DNAJC16: variants seen among roughly 807,000 people sequenced by gnomAD.
DNAJC16 encodes DnaJ heat shock protein family (Hsp40) member C16.
DNAJC16 carries 76 observed loss-of-function variants against 92.7 expected under a neutral mutation model. The ratio of observed to expected loss-of-function variants is 0.82; its 90% CI spans 0.68 to 0.99. DNAJC16 has a LOEUF of 0.99. DNAJC16 is among the 50% of genes least tolerant of loss of function. The pLI, the probability that DNAJC16 is intolerant of heterozygous loss-of-function variation, is 0.00. For synonymous variants in DNAJC16, 328 were observed against 358.7 expected, an observed-to-expected ratio of 0.91 and a Z score of 0.97; for missense variants, 869 against 942.4, an observed-to-expected ratio of 0.92 and a Z score of 1.02.
Position 15,559,665 on chromosome 1 carries a change from T to A in DNAJC16, c.1154+9T>A. On this transcript the variant is annotated intron_variant, in intron 8 of 14. Transcript: ENST00000375847. Reference sequence around the variant, plus strand: ...TCGCATCGACAGAGGAAGTAAGGACTTAAGGCTTTGCCTCTGCTTGTTATT... The same window carrying A: ...TCGCATCGACAGAGGAAGTAAGGACATAAGGCTTTGCCTCTGCTTGTTATT... 6.2e-7 allele frequency: 1 copy of A among 1,613,106 alleles called. No homozygotes were observed. The highest frequency in any genetic ancestry group is 8.5e-7 in the Non-Finnish European group (1 of 1,179,500).
Position 15,548,454 on chromosome 1 carries a change from A to G in DNAJC16, c.1023+26A>G, listed in dbSNP as rs201777275. ...GTACGTGAGGGTCACCTTGGTTAAG[A>G]TTTTCTTCACATTTTATCCCAAGAT... is the stretch of plus-strand genomic sequence containing the variant. On this transcript the variant is annotated intron_variant, in intron 7 of 14. Transcript: ENST00000375847. 1.1e-5 allele frequency: 18 copies of G among 1,581,926 alleles called. No homozygotes were observed. The African/African-American group carries it at 2.4e-4, about 21-fold the overall frequency.
At chr1:15,567,012 T>C in intron 13 of DNAJC16, 87 bp from the exon 14 acceptor site, 2 of 1,289,612 alleles carry the variant, frequency 1.6e-6, no homozygotes, top group Non-Finnish European at 2.2e-6. Context: ...GGTTAGAACA[T>C]AGCATTTTCT....
chr1:15,556,322 A>G (rs7544382), intron 7 of DNAJC16, among the ~76,000 whole-genome samples: 2 of 151,142 alleles, frequency 1.3e-5, no homozygotes, highest in Non-Finnish European at 2.9e-5. Flanking sequence ...GCAACCTCCA[A>G]CTCCCGGGTT....
intron 4 of DNAJC16, among the ~76,000 whole-genome samples, chr1:15,540,097 G>A (rs1178864934): frequency 6.6e-6 from 1 of 152,048 alleles, no homozygotes; most frequent in Non-Finnish European, 1.5e-5. Context: ...AGGCCAAGGC[G>A]GGTGGATCAC....
At position 15,566,124 on chromosome 1, in the gene DNAJC16, G is replaced by A; in HGVS notation, c.1722G>A (p.Glu574=). Residue 574 remains glutamate (E), a synonymous_variant, in exon 13 of 15, where the codon GAG becomes GAA. Coordinates refer to ENST00000375847, the MANE Select transcript of DNAJC16 (RefSeq NM_015291.4). The part of the protein sequence containing the change: ...DERESSPPEK[E]EAQEKTGKTE... ...GAGAGTCAAGCCCTCCAGAAAAAGA[G>A]GAAGCCCAAGAGAAGACTGGGAAAA... 2 of 1,614,032 alleles carry A rather than the reference G, an allele frequency of 1.2e-6. No homozygotes were observed. Among genetic ancestry groups the A allele is most frequent in the Non-Finnish European group, 1.7e-6 (2 of 1,179,996 alleles).
At chr1:15,528,140 A>G (rs1710563964) in intron 1 of DNAJC16, among the ~76,000 whole-genome samples, 1 of 152,234 alleles carries the variant, frequency 6.6e-6, no homozygotes, top group Non-Finnish European at 1.5e-5. Flanking sequence ...TTCCATTAAT[A>G]ATGACCATAT....
chr1:15,548,216 C>T, intron 6 of DNAJC16, 54 bp from the exon 7 acceptor site: 1 of 1,580,706 alleles, frequency 6.3e-7, no homozygotes, highest in Admixed American at 1.7e-5. Flanking sequence ...CTTGATTTGT[C>T]ATTTACATCT....
At chr1:15,544,354 A>G (rs1320662616) in intron 4 of DNAJC16, 45 bp from the exon 5 acceptor site, 2 of 1,564,788 alleles carry the variant, frequency 1.3e-6, no homozygotes, top group East Asian at 2.3e-5. Flanking sequence ...TCCAGCTGCC[A>G]TGGAGACATA....
chr1:15,565,540 A>C (rs764388888), intron 11 of DNAJC16: 12 of 231,264 alleles, frequency 5.2e-5, no homozygotes, highest in Non-Finnish European at 8.5e-5. Flanking sequence ...TCTGGGCTAC[A>C]TCTGAATTTT....
At chr1:15,543,342 A>G (rs1710978115) in intron 4 of DNAJC16, among the ~76,000 whole-genome samples, 1 of 152,240 alleles carries the variant, frequency 6.6e-6, no homozygotes, top group African/African-American at 2.4e-5. Flanking sequence ...AGCTACGCAG[A>G]AGTCACGGAG....
chr1:15,534,210 C>G, intron 2 of DNAJC16, 27 bp from the exon 3 acceptor site: 1 of 1,613,350 alleles, frequency 6.2e-7, no homozygotes, highest in Non-Finnish European at 8.5e-7. Flanking sequence ...TACATCCTTT[C>G]TCACCGCCTG....
intron 2 of DNAJC16, among the ~76,000 whole-genome samples, chr1:15,533,218 C>T (rs562461421): frequency 6.6e-6 from 1 of 152,174 alleles, no homozygotes; most frequent in African/African-American, 2.4e-5. Flanking sequence ...CCAAAGCTGG[C>T]CGGGTGTGGT....
At chr1:15,534,586 G>A (rs770540728) in intron 3 of DNAJC16, among the ~76,000 whole-genome samples, 7 of 152,216 alleles carry the variant, frequency 4.6e-5, no homozygotes, top group Non-Finnish European at 7.4e-5. Flanking sequence ...TTCGCCGGGC[G>A]TGGTGGCACG....
intron 7 of DNAJC16, among the ~76,000 whole-genome samples, chr1:15,551,108 G>A (rs544299629): frequency 1.3e-5 from 2 of 152,342 alleles, no homozygotes; most frequent in East Asian, 3.9e-4. Context: ...GACCTCAGGT[G>A]ATCCGCCCAC....
At position 15,567,203 on chromosome 1, in the gene DNAJC16, TC is replaced by T; in HGVS notation, c.1885del (p.Leu629CysfsTer31). ...LRPGHMNVVLILSNSTKTSLL... is the reference protein window; with the variant it reads ...LRPGHMNVVLXLSNSTKTSLL... ...CCAGGCCACATGAATGTGGTCCTCATCCTGTCGAATTCTACCAAGACCAGCC... is the reference window on the plus strand; with the variant it reads ...CCAGGCCACATGAATGTGGTCCTCATCTGTCGAATTCTACCAAGACCAGCC... On this transcript the variant is annotated frameshift_variant, in exon 14 of 15. Transcript: ENST00000375847. LOFTEE classifies it high-confidence loss of function. 1 of 1,614,160 alleles carries T rather than the reference TC, an allele frequency of 6.2e-7. No individual in the cohort carries two copies. The highest frequency in any genetic ancestry group is 8.5e-7 in the Non-Finnish European group (1 of 1,180,002).
At chr1:15,554,194 C>A (rs1490168107) in intron 7 of DNAJC16, among the ~76,000 whole-genome samples, 1 of 151,340 alleles carries the variant, frequency 6.6e-6, no homozygotes, top group Non-Finnish European at 1.5e-5. Context: ...CAGAGCAAGA[C>A]CCTGTCTCAA....
At chr1:15,556,219 GGTT>G (rs1312785749) in intron 7 of DNAJC16, among the ~76,000 whole-genome samples, 14 of 131,054 alleles carry the variant, frequency 1.1e-4, no homozygotes, top group African/African-American at 3.8e-4. Flanking sequence ...TACAGTTGTT[GGTT>G]GTTTTGTTTT....
At chr1:15,534,442 G>C in intron 3 of DNAJC16, 139 bp downstream of exon 3, 1 of 848,274 alleles carries the variant, frequency 1.2e-6, no homozygotes, top group Non-Finnish European at 1.7e-6. Context: ...AGAGAGAACA[G>C]GCTGGATGCG....
At chr1:15,552,005 T>C (rs1329798770) in intron 7 of DNAJC16, among the ~76,000 whole-genome samples, 1 of 150,022 alleles carries the variant, frequency 6.7e-6, no homozygotes, top group Admixed American at 6.7e-5. Flanking sequence ...TACTCCAGCC[T>C]GGGTGAGAAT....
Sources: allele counts gnomAD v4.1 joint callset (sites outside exome capture counted in the v4.1 genomes callset), GRCh38; gene constraint gnomAD v4.1.1; transcripts MANE v1.5; gene names NCBI Gene and HGNC (gene_info 2026-07-23, HGNC 2026-07-21).